Variants in ADCK1 observed in about 807,000 individuals in gnomAD.
ADCK1 encodes the protein aarF domain-containing protein kinase 1.
Under a neutral mutation model 52.3 loss-of-function variants are expected in ADCK1, and 41 were observed. The ratio of observed to expected loss-of-function variants is 0.78; its 90% CI spans 0.61 to 1.02. The LOEUF (loss-of-function observed/expected upper bound fraction) is 1.02, where lower values mean the gene tolerates loss of function less well. Ranked by LOEUF, ADCK1 falls within the 50% of genes least tolerant of loss-of-function variation. The probability of loss-of-function intolerance (pLI) is 0.00; values close to 1 mark genes in which losing one functional copy is unlikely to be tolerated. For missense variants in ADCK1, 658 were observed against 679.5 expected (o/e 0.97, Z 0.35); for synonymous variants, 250 against 274.6 (o/e 0.91, Z 0.89).
At chr14:77,933,073 G>A in intron 10 of ADCK1, 147 bp from the exon 11 acceptor site, 1 of 717,622 alleles carries the variant, frequency 1.4e-6, no homozygotes, top group East Asian at 2.7e-5. Context: ...TAGTGGTATA[G>A]TATGATCCTG....
intron 1 of ADCK1, among the ~76,000 whole-genome samples, chr14:77,808,188 A>G (rs548600648): frequency 2.6e-5 from 4 of 152,296 alleles, no homozygotes; most frequent in African/African-American, 9.6e-5. Flanking sequence ...CTGTGCACCA[A>G]AGCCTTTTTT....
chr14:77,871,254 A>G (rs1383301063), intron 4 of ADCK1, among the ~76,000 whole-genome samples: 1 of 152,210 alleles, frequency 6.6e-6, no homozygotes, highest in Admixed American at 6.5e-5. Flanking sequence ...GGGCAAAATC[A>G]GGTTAGTCCT....
At chr14:77,928,290 T>C (rs999146580) in intron 9 of ADCK1, among the ~76,000 whole-genome samples, 1 of 152,058 alleles carries the variant, frequency 6.6e-6, no homozygotes, top group African/African-American at 2.4e-5. Context: ...AAGGTAGAGA[T>C]GTCATGGGCA....
At chr14:77,852,660 A>AATAAATATAT (rs1372819667) in intron 3 of ADCK1, among the ~76,000 whole-genome samples, 4 of 31,730 alleles carry the variant, frequency 1.3e-4, no homozygotes, top group African/African-American at 4.6e-4. Context: ...TAAATAAATA[A>AATAAATATAT]ATATATATAT....
chr14:77,804,463 CAG>C (rs1329648619), intron 1 of ADCK1, among the ~76,000 whole-genome samples: 1 of 152,130 alleles, frequency 6.6e-6, no homozygotes, highest in Non-Finnish European at 1.5e-5. Flanking sequence ...TGCACGAAAA[CAG>C]GGTTTCGAGA....
At chr14:77,857,665 T>A (rs2140134142) in intron 3 of ADCK1, among the ~76,000 whole-genome samples, 1 of 152,342 alleles carries the variant, frequency 6.6e-6, no homozygotes. Context: ...TCCTGTGTGG[T>A]TCACTTGGCA....
chr14:77,821,855 A>C (rs985982291), intron 2 of ADCK1, among the ~76,000 whole-genome samples: 1 of 139,650 alleles, frequency 7.2e-6, no homozygotes, highest in African/African-American at 2.7e-5. Context: ...ATGCCAGTGC[A>C]CTCCAGCCTG....
At position 77,889,820 on chromosome 14, in the gene ADCK1, G is replaced by T. The variant is rs530631130; in HGVS notation, c.582+2571G>T. Among the ~76,000 whole-genome samples the T allele has an allele frequency of 1.8e-4, 26 of 144,094 alleles. 1 individual carries two copies. In the South Asian group the frequency reaches 5.1e-3, roughly 28 times the overall value. The allele number at this position is 144,094 out of a possible 152,430, so 94.5% of individuals were successfully genotyped here. A position where few individuals can be genotyped will look rare whatever the true frequency, so the allele number is the denominator to read the frequency against. ...TGGAATACAAATTCAGCATGTATGA[G>T]TAAAGATACTTTTGATAGATGAATG... On this transcript the variant is annotated intron_variant, in intron 5 of 10. Coordinates refer to ENST00000238561, the MANE Select transcript of ADCK1 (RefSeq NM_020421.4).
rs1024447540 is a variant in ADCK1 at position 77,934,941 on chromosome 14, A to T, written c.*1550A>T. 2.6e-5 allele frequency: 4 copies of T among 152,212 alleles called. No homozygotes were observed. The highest frequency in any genetic ancestry group is 1.3e-4 in the Admixed American group (2 of 15,280). 9.4% of individuals were successfully genotyped at this position (152,212 alleles called of 1,614,324 possible). A position where few individuals can be genotyped will look rare whatever the true frequency, so the allele number is the denominator to read the frequency against. ...CAATATCTGATTATTAATCTTGAGG[A>T]TGTGTGCTGCATAGTATATTTTATG... On this transcript the variant is annotated 3_prime_UTR_variant, in exon 11 of 11. Coordinates refer to ENST00000238561, the MANE Select transcript of ADCK1 (RefSeq NM_020421.4).
chr14:77,831,959 T>C (rs2081860951), intron 3 of ADCK1, among the ~76,000 whole-genome samples: 1 of 151,354 alleles, frequency 6.6e-6, no homozygotes, highest in East Asian at 2.0e-4. Context: ...GGAAGTAGAG[T>C]TCTGTAAAGG....
At chr14:77,907,755 C>T (rs775664242) in intron 6 of ADCK1, 48 bp from the exon 7 acceptor site, 21 of 1,458,842 alleles carry the variant, frequency 1.4e-5, no homozygotes, top group African/African-American at 4.2e-5. Context: ...CATCCTTGCC[C>T]GATTCCCAGC....
Position 77,931,621 on chromosome 14 carries a change from T to C in ADCK1, c.1310T>C (p.Leu437Pro). Residue 437 changes from leucine (L) to proline (P), a missense_variant, in exon 10 of 11, where the codon CTG becomes CCG. Leu to Pro is a moderately conservative substitution (Grantham distance 98). Transcript: ENST00000238561. ...QMLLILKTND[L>P]LRGIEAALGT... ...CTGCTCATCTTGAAGACCAACGACC[T>C]GCTGCGTGGCATTGAGGCCGCCCTG... is the stretch of plus-strand genomic sequence containing the variant. 1 of 1,613,290 alleles carries C rather than the reference T, an allele frequency of 6.2e-7. No individual in the cohort carries two copies.
At chr14:77,912,709 A>G (rs541751678) in intron 7 of ADCK1, among the ~76,000 whole-genome samples, 7 of 152,194 alleles carry the variant, frequency 4.6e-5, no homozygotes, top group African/African-American at 1.7e-4. Context: ...TAGCTGCTAT[A>G]AGCAGATGTC....
chr14:77,907,595 G>T lies in ADCK1; in HGVS notation c.742-208G>T, dbSNP rs138212893. ...AAAGCCGGTATCTAAAGGAGTGGGC[G>T]GAGGCCTGCTGAGCAGAGGTGGAGT... On this transcript the variant is annotated intron_variant, in intron 6 of 10. Coordinates refer to ENST00000238561, the MANE Select transcript of ADCK1 (RefSeq NM_020421.4). Among the ~76,000 whole-genome samples the T allele has an allele frequency of 7.3e-3, 1,110 of 152,302 alleles. 21 individuals are homozygous for T. The highest frequency in any genetic ancestry group is 0.026 in the African/African-American group (1,076 of 41,558).
At chr14:77,931,194 G>T (rs2084322676) in intron 9 of ADCK1, among the ~76,000 whole-genome samples, 1 of 152,198 alleles carries the variant, frequency 6.6e-6, no homozygotes, top group African/African-American at 2.4e-5. Flanking sequence ...GCTTCTGGGG[G>T]TCCTTCCAGA....
intron 6 of ADCK1, among the ~76,000 whole-genome samples, chr14:77,906,285 A>G (rs1259076694): frequency 6.6e-6 from 1 of 152,180 alleles, no homozygotes; most frequent in African/African-American, 2.4e-5. Flanking sequence ...AAAGCTGCCC[A>G]TGTTTCTTTA....
rs149447923 is a variant in ADCK1 at position 77,925,946 on chromosome 14, C to T, written c.1191C>T (p.Pro397=). Residue 397 remains proline (P), a synonymous_variant, in exon 9 of 11, where the codon CCC becomes CCT. Transcript: ENST00000238561. ...TCAACAGAGGCATCAGCCAAGCTCC[C>T]GTCACTGCCACTGAGGTAGGGGGCC... ...DSVNRGISQA[P]VTATEDLEIR... 99 of 1,614,090 alleles carry T rather than the reference C, an allele frequency of 6.1e-5. 2 individuals are homozygous for T. The Middle Eastern group carries it at 5.5e-3, about 90-fold the overall frequency.
intron 3 of ADCK1, among the ~76,000 whole-genome samples, chr14:77,824,430 TTCTTTC>T (rs1199264369): frequency 2.0e-5 from 3 of 147,528 alleles, no homozygotes; most frequent in African/African-American, 7.9e-5. Context: ...CTTTCTTTCT[TTCTTTC>T]TTTTTTTTTT....
intron 1 of ADCK1, among the ~76,000 whole-genome samples, chr14:77,801,560 G>C (rs1164993692): frequency 1.3e-5 from 2 of 152,162 alleles, no homozygotes; most frequent in African/African-American, 4.8e-5. Flanking sequence ...CCTCAGGGAT[G>C]TGCGATTTGA....
Sources: allele counts gnomAD v4.1 joint callset (sites outside exome capture counted in the v4.1 genomes callset), GRCh38; gene constraint gnomAD v4.1.1; transcripts MANE v1.5; gene names NCBI Gene and HGNC (gene_info 2026-07-23, HGNC 2026-07-21).